Variants in SUPT16H observed in about 807,000 individuals in gnomAD.
SUPT16H encodes SPT16 homolog, facilitates chromatin remodeling subunit, also known as FACT complex subunit SPT16.
A neutral mutation model predicts 136.2 loss-of-function variants in SUPT16H; 24 were observed. The observed-to-expected ratio is 0.18, with a 90% CI of 0.13 to 0.25. SUPT16H has a LOEUF of 0.25. Ranked by LOEUF, SUPT16H falls within the 10% of genes least tolerant of loss-of-function variation. The pLI is 1.00. For synonymous variants in SUPT16H, 415 were observed against 428.2 expected (o/e 0.97, Z 0.38); for missense variants, 623 against 1,270.2 (o/e 0.49, Z 7.74).
At chr14:21,362,103 T>A in intron 15 of SUPT16H, 94 bp downstream of exon 15, 3 of 1,433,966 alleles carry the variant, frequency 2.1e-6, no homozygotes, top group Non-Finnish European at 2.8e-6. Context: ...TGACATTTAC[T>A]AGGTAGGGAA....
At position 21,373,357 on chromosome 14, in the gene SUPT16H, G is replaced by A; in HGVS notation, c.140C>T (p.Ala47Val). The A allele has an allele frequency of 1.2e-6, 2 of 1,613,864 alleles. No homozygotes were observed. Among genetic ancestry groups the A allele is most frequent in the Non-Finnish European group, 1.7e-6 (2 of 1,179,756 alleles). ...TCTCACCTGTAAGGCAGTTGATTTG[G>A]CATAAACAATTTCTTCATCAACACC... is the stretch of plus-strand genomic sequence containing the variant. ...SVGVDEEIVY[A>V]KSTALQTWLF... The change falls in exon 2 of 26, where the codon GCC becomes GTC. Residue 47 changes from alanine to valine, a missense_variant. Transcript: ENST00000216297.
chr14:21,357,895 T>C, intron 21 of SUPT16H, 32 bp downstream of exon 21: 1 of 1,596,680 alleles, frequency 6.3e-7, no homozygotes, highest in Non-Finnish European at 8.6e-7. Flanking sequence ...CTCTAACAAT[T>C]TTCTTACTAA....
intron 6 of SUPT16H, 94 bp from the exon 7 acceptor site, chr14:21,368,535 C>A: frequency 7.5e-7 from 1 of 1,335,326 alleles, no homozygotes; most frequent in Non-Finnish European, 1.0e-6. Context: ...ATTACTTTTC[C>A]CTGCCATATC....
At chr14:21,353,394 C>T in intron 25 of SUPT16H, 94 bp downstream of exon 25, 1 of 1,255,088 alleles carries the variant, frequency 8.0e-7, no homozygotes, top group Non-Finnish European at 1.1e-6. Context: ...TTGTTACTTT[C>T]ATTACGCCAT....
intron 22 of SUPT16H, chr14:21,354,948 T>C (rs944054211): frequency 6.1e-6 from 1 of 162,778 alleles, no homozygotes; most frequent in African/African-American, 2.4e-5. Context: ...GGCTGCTATT[T>C]GATCTCCTAG....
chr14:21,363,603 TA>T, intron 10 of SUPT16H, 100 bp from the exon 11 acceptor site: 6 of 999,734 alleles, frequency 6.0e-6, no homozygotes, highest in Non-Finnish European at 9.1e-6. Context: ...TTTTGGACAC[TA>T]AAATGTTTGA....
chr14:21,373,565 G>C lies in SUPT16H; in HGVS notation c.67-135C>G. The C allele has an allele frequency of 5.9e-6, 4 of 682,070 alleles. No homozygotes were observed. In the South Asian group the frequency reaches 6.8e-5, roughly 12 times the overall value. 42.3% of individuals were successfully genotyped at this position (682,070 alleles called of 1,614,324 possible). A position where few individuals can be genotyped will look rare whatever the true frequency, so the allele number is the denominator to read the frequency against. On this transcript the variant is annotated intron_variant, in intron 1 of 25. Coordinates refer to ENST00000216297, the MANE Select transcript of SUPT16H (RefSeq NM_007192.4). ...GTTTAAGGTACATGCCTGTTTGGCA[G>C]TCTTACGGCTATTCTATTTTTTGTT... is the stretch of plus-strand genomic sequence containing the variant.
intron 1 of SUPT16H, among the ~76,000 whole-genome samples, chr14:21,381,911 T>C (rs1887035465): frequency 6.6e-6 from 1 of 151,858 alleles, no homozygotes. Context: ...ATTTTTACCA[T>C]TAACTTCAAC....
In SUPT16H at chr14:21,352,417, T is replaced by C. The variant is rs73579626; in HGVS notation, c.*256A>G. The C allele has an allele frequency of 1.4e-3, 679 of 489,774 alleles. 5 individuals are homozygous for C. Among genetic ancestry groups the C allele is most frequent in the African/African-American group, 0.012 (637 of 51,986 alleles). 30.3% of individuals were successfully genotyped at this position (489,774 alleles called of 1,614,324 possible). ...AGGAAGAGAGAAGAATGAAACAATA[T>C]TTATTAACAGCGGGAGCCTCCTCCT... On this transcript the variant is annotated 3_prime_UTR_variant, in exon 26 of 26. Transcript: ENST00000216297.
intron 3 of SUPT16H, 128 bp from the exon 4 acceptor site, chr14:21,370,616 TTTTTAC>T (rs1217168858): frequency 1.6e-5 from 16 of 1,032,020 alleles, no homozygotes; most frequent in Admixed American, 2.5e-5. Flanking sequence ...CCCCACCTAC[TTTTTAC>T]TTTTAAAGAG....
In SUPT16H at chr14:21,373,531, A is replaced by G. The variant is rs867605846; in HGVS notation, c.67-101T>C. ...GACAGGCATAATTTTCTCCTGATAG[A>G]AATTTCAAGTTTAAGGTACATGCCT... On this transcript the variant is annotated intron_variant, in intron 1 of 25. Coordinates refer to ENST00000216297, the MANE Select transcript of SUPT16H (RefSeq NM_007192.4). 11 of 929,650 alleles carry G rather than the reference A, an allele frequency of 1.2e-5. No homozygotes were observed. In the Middle Eastern group the frequency reaches 1.1e-3, roughly 92 times the overall value. The allele number at this position is 929,650 out of a possible 1,614,324, so 57.6% of individuals were successfully genotyped here.
chr14:21,369,066 A>G (rs1405591524), intron 6 of SUPT16H, 138 bp downstream of exon 6: 26 of 927,172 alleles, frequency 2.8e-5, no homozygotes, highest in Non-Finnish European at 3.3e-5. Context: ...TGGACACCCA[A>G]GATAATGACT....
chr14:21,378,263 T>C (rs1382112117), intron 1 of SUPT16H, among the ~76,000 whole-genome samples: 1 of 152,094 alleles, frequency 6.6e-6, no homozygotes. Context: ...AACATTATAA[T>C]AGATTTATTG....
At chr14:21,378,884 AATAAAAT>A (rs1461082935) in intron 1 of SUPT16H, among the ~76,000 whole-genome samples, 1 of 152,212 alleles carries the variant, frequency 6.6e-6, no homozygotes, top group Non-Finnish European at 1.5e-5. Flanking sequence ...GTGAGAGTTA[AATAAAAT>A]ATAAAACAGG....
In SUPT16H at chr14:21,370,470, T is replaced by C; in HGVS notation, c.349A>G (p.Ser117Gly). Reference protein sequence around the residue: ...IREKNESNKSSFDKMIEAIKE... With the variant: ...IREKNESNKSGFDKMIEAIKE... ...ATGGCTTCAATCATTTTGTCAAAGC[T>C]ACTCTTATTACTTTCATTCTGTCAG... Residue 117 changes from serine (S) to glycine (G), a missense_variant, in exon 4 of 26, where the codon AGC (serine) becomes GGC (glycine). Transcript: ENST00000216297. 6.2e-7 allele frequency: 1 copy of C among 1,614,132 alleles called. No homozygotes were observed. The highest frequency in any genetic ancestry group is 8.5e-7 in the Non-Finnish European group (1 of 1,180,012).
chr14:21,354,692 A>C (rs1886390099), intron 22 of SUPT16H, 152 bp from the exon 23 acceptor site: 1 of 847,792 alleles, frequency 1.2e-6, no homozygotes, highest in Non-Finnish European at 1.7e-6. Flanking sequence ...CCTAGGTTCA[A>C]GTGATTCTCC....
intron 22 of SUPT16H, among the ~76,000 whole-genome samples, chr14:21,355,559 A>T (rs1886414885): frequency 6.6e-6 from 1 of 150,762 alleles, no homozygotes; most frequent in East Asian, 1.9e-4. Flanking sequence ...GACAATTTTC[A>T]ATGGCCCTAG....
intron 1 of SUPT16H, among the ~76,000 whole-genome samples, chr14:21,382,088 G>C (rs997740362): frequency 2.0e-5 from 3 of 152,212 alleles, no homozygotes; most frequent in Admixed American, 6.5e-5. Context: ...GTATCAGAAT[G>C]AAAGCACTGT....
At chr14:21,358,210 T>C (rs1231096757) in intron 20 of SUPT16H, 105 bp downstream of exon 20, 4 of 854,076 alleles carry the variant, frequency 4.7e-6, no homozygotes, top group Non-Finnish European at 5.4e-6. Flanking sequence ...TTATTAGTCA[T>C]AGGAAAAAAG....
Sources: allele counts gnomAD v4.1 joint callset (sites outside exome capture counted in the v4.1 genomes callset), GRCh38; gene constraint gnomAD v4.1.1; transcripts MANE v1.5; gene names NCBI Gene and HGNC (gene_info 2026-07-23, HGNC 2026-07-21).